The following ZNF184 variants were observed in gnomAD, a reference collection of about 807,000 sequenced individuals.
The protein encoded by ZNF184 is zinc finger protein 184 (Kruppel-like).
ZNF184 carries 16 observed loss-of-function variants against 54.4 expected under a neutral mutation model. The ratio of observed to expected loss-of-function variants is 0.29; its 90% confidence interval spans 0.20 to 0.45. The LOEUF is 0.45. Among genes scored for constraint, ZNF184 ranks in the 20% least tolerant of loss-of-function variants. The probability of loss-of-function intolerance (pLI) is 1.00; values close to 1 mark genes in which losing one functional copy is unlikely to be tolerated. For synonymous variants in ZNF184, 254 were observed against 295.3 expected, an observed-to-expected ratio of 0.86 and a Z score of 1.43; for missense variants, 681 against 888.2, an observed-to-expected ratio of 0.77 and a Z score of 2.97.
chr6:27,439,850 A>G, the ZNF184 span, among the ~76,000 whole-genome samples: 1 of 152,190 alleles, frequency 6.6e-6, no homozygotes, highest in Non-Finnish European at 1.5e-5. Context: ...AGGGTCTTGG[A>G]ATGTATCCTC....
the ZNF184 span, among the ~76,000 whole-genome samples, chr6:27,416,415 G>A: frequency 6.6e-6 from 1 of 152,176 alleles, no homozygotes; most frequent in Non-Finnish European, 1.5e-5. Context: ...ATCTAGCATG[G>A]ATATCTGTTA....
the ZNF184 span, among the ~76,000 whole-genome samples, chr6:27,420,068 G>A: frequency 6.6e-6 from 1 of 152,092 alleles, no homozygotes; most frequent in Non-Finnish European, 1.5e-5. Flanking sequence ...TGCTCAAATA[G>A]CATTTTCTCA....
downstream of ZNF184, among the ~76,000 whole-genome samples, chr6:27,448,763 C>T (rs1413585102): frequency 1.3e-5 from 1 of 79,406 alleles, no homozygotes; most frequent in Admixed American, 1.4e-4. Flanking sequence ...AAATGCATTT[C>T]CTTTTTTTTT....
chr6:27,466,141 G>GGAGA lies in ZNF184; in HGVS notation c.75+1708_75+1711dup, dbSNP rs58110037. ...GACAGAAGACAAGTCAGAGTCAGAG[G>GGAGA]GAGAGAGAGAGAGAGAGAGAGAGAG... On this transcript the variant is annotated intron_variant, in intron 3 of 5. Transcript: ENST00000683788. Among the ~76,000 whole-genome samples the GGAGA allele has an allele frequency of 1.7e-3, 249 of 148,866 alleles. 1 individual carries two copies. Among genetic ancestry groups the GGAGA allele is most frequent in the African/African-American group, 5.0e-3 (203 of 40,314 alleles).
the ZNF184 span, among the ~76,000 whole-genome samples, chr6:27,422,960 A>G: frequency 1.3e-5 from 2 of 152,204 alleles, no homozygotes; most frequent in Admixed American, 6.5e-5. Context: ...ATCCCCTTTA[A>G]TAGCAGGCAA....
the ZNF184 span, among the ~76,000 whole-genome samples, chr6:27,432,710 C>T: frequency 0.014 from 2,107 of 152,232 alleles, 42 homozygotes; most frequent in African/African-American, 0.044. This position sits in a 1 kb window ranked among gnomAD's most constrained non-coding sequence, Gnocchi z 4.0. Context: ...ATTTGCAGTC[C>T]CAAATGTTCT....
chr6:27,472,475 T>C lies in ZNF184; in HGVS notation c.-139-42A>G. ...GGCGTCAGCAGCATACGTCACACAATCACACATCAGAGTCTTGCAAAGTGA... is the reference window on the plus strand; with the variant it reads ...GGCGTCAGCAGCATACGTCACACAACCACACATCAGAGTCTTGCAAAGTGA... On this transcript the variant is annotated intron_variant, in intron 1 of 5. Transcript: ENST00000683788. The surrounding 1 kb of genome is among the most constrained non-coding windows in gnomAD (Gnocchi z 4.8). 1 of 692,488 alleles carries C rather than the reference T, an allele frequency of 1.4e-6. No homozygotes were observed. The highest frequency in any genetic ancestry group is 2.5e-6 in the Non-Finnish European group (1 of 402,408). 42.9% of individuals were successfully genotyped at this position (692,488 alleles called of 1,614,324 possible). A position where few individuals can be genotyped will look rare whatever the true frequency, so the allele number is the denominator to read the frequency against.
rs777349813 is a variant in ZNF184 at position 27,451,466 on chromosome 6, T to C, written c.2093A>G (p.Tyr698Cys). 2.2e-5 allele frequency: 35 copies of C among 1,614,022 alleles called. No homozygotes were observed. Among genetic ancestry groups the C allele is most frequent in the Non-Finnish European group, 2.9e-5 (34 of 1,180,004 alleles). ...AGTCTTTCTGCATTCATTACAGTTA[T>C]AAGGTTTCTCTCCAGTATGAGTATT... is the stretch of plus-strand genomic sequence containing the variant. ...HQNTHTGEKP[Y>C]NCNECRKTFS... The change falls in exon 6 of 6, where the codon TAT becomes TGT. Residue 698 changes from tyrosine (Y) to cysteine (C), a missense_variant. Transcript: ENST00000683788.
chr6:27,419,695 C>G, the ZNF184 span, among the ~76,000 whole-genome samples: 1 of 97,258 alleles, frequency 1.0e-5, no homozygotes, highest in African/African-American at 3.3e-5. The surrounding 1 kb of genome is among the most constrained non-coding windows in gnomAD (Gnocchi z 4.8). Flanking sequence ...TTCTCATGCT[C>G]CACAACAATC....
the ZNF184 span, chr6:27,407,824 G>A: frequency 1.3e-6 from 1 of 781,012 alleles, no homozygotes; most frequent in Non-Finnish European, 2.4e-6. Flanking sequence ...TTGCTTGATG[G>A]TTTAGAAATC....
chr6:27,457,340 GGCCA>G lies in ZNF184; in HGVS notation c.141_144del (p.Gly48ArgfsTer8). On this transcript the variant is annotated frameshift_variant, in exon 4 of 6. Coordinates refer to ENST00000683788, the MANE Select transcript of ZNF184 (RefSeq NM_001318891.2). LOFTEE classifies it high-confidence loss of function. ...GTCACATCCCTGAACAAATCTCTCTGGCCAGGGTCCAGCTGTTTCCATTCTTCCT... is the reference window on the plus strand; with the variant it reads ...GTCACATCCCTGAACAAATCTCTCTGGGGTCCAGCTGTTTCCATTCTTCCT... 6.2e-7 allele frequency: 1 copy of G among 1,613,950 alleles called. No individual in the cohort carries two copies. Among genetic ancestry groups the G allele is most frequent in the Non-Finnish European group, 8.5e-7 (1 of 1,179,952 alleles).
the ZNF184 span, among the ~76,000 whole-genome samples, chr6:27,415,261 A>G: frequency 6.6e-6 from 1 of 152,142 alleles, no homozygotes; most frequent in Non-Finnish European, 1.5e-5. Context: ...GCTTCTAATG[A>G]GTAATCGTTG....
chr6:27,415,642 T>G, the ZNF184 span, among the ~76,000 whole-genome samples: 16 of 152,228 alleles, frequency 1.1e-4, no homozygotes, highest in Non-Finnish European at 2.1e-4. Flanking sequence ...ACCTCAGAAA[T>G]CCCATTACTT....
At chr6:27,410,318 A>G in the ZNF184 span, among the ~76,000 whole-genome samples, 1 of 152,162 alleles carries the variant, frequency 6.6e-6, no homozygotes, top group Non-Finnish European at 1.5e-5. Flanking sequence ...TGGATCTCTT[A>G]AGCTGGATCC....
the ZNF184 span, among the ~76,000 whole-genome samples, chr6:27,435,560 C>T: frequency 6.6e-6 from 1 of 152,136 alleles, no homozygotes; most frequent in Admixed American, 6.5e-5. Flanking sequence ...GAGTTTTCTG[C>T]ACATAAAATC....
chr6:27,427,128 A>AAAAAAC, the ZNF184 span, among the ~76,000 whole-genome samples: 1 of 151,656 alleles, frequency 6.6e-6, no homozygotes, highest in Non-Finnish European at 1.5e-5. Context: ...AAAAAAAAAA[A>AAAAAAC]AAAAAAAACA....
chr6:27,444,077 A>G, the ZNF184 span, among the ~76,000 whole-genome samples: 1 of 152,018 alleles, frequency 6.6e-6, no homozygotes, highest in African/African-American at 2.4e-5. Context: ...CTACCCTCCA[A>G]TCCTACATTT....
intron 4 of ZNF184, 62 bp from the exon 5 acceptor site, chr6:27,456,983 C>G: frequency 7.0e-7 from 1 of 1,420,524 alleles, no homozygotes; most frequent in Non-Finnish European, 9.8e-7. Flanking sequence ...TATCAGAATT[C>G]AATCACCACT....
In ZNF184 at chr6:27,452,456, T is replaced by C. The variant is rs866586452; in HGVS notation, c.1103A>G (p.Asp368Gly). The change falls in exon 6 of 6, where the codon GAT becomes GGT. Residue 368 changes from aspartate to glycine, a missense_variant. Asp to Gly is a moderately conservative substitution (Grantham distance 94, BLOSUM62 -1). Transcript: ENST00000683788. The surrounding 1 kb of genome is among the most constrained non-coding windows in gnomAD (Gnocchi z 5.5). ...GTGTGTGCTCCTGGTGAAGGTTTTATCACATTCATCACATTTAAAAGGTTT... is the reference window on the plus strand; with the variant it reads ...GTGTGTGCTCCTGGTGAAGGTTTTACCACATTCATCACATTTAAAAGGTTT... ...GEKPFKCDEC[D>G]KTFTRSTHLT... The C allele has an allele frequency of 6.2e-7, 1 of 1,614,112 alleles. No individual in the cohort carries two copies. Among genetic ancestry groups the C allele is most frequent in the South Asian group, 1.1e-5 (1 of 91,066 alleles).
Sources: allele counts gnomAD v4.1 joint callset (sites outside exome capture counted in the v4.1 genomes callset), GRCh38; gene constraint gnomAD v4.1.1; non-coding constraint Gnocchi (gnomAD v3.1); transcripts MANE v1.5; gene names NCBI Gene and HGNC (gene_info 2026-07-23, HGNC 2026-07-21).